ATP2B3: variants seen among roughly 807,000 people sequenced by gnomAD.
ATP2B3 encodes plasma membrane calcium-transporting ATPase 3.
A neutral mutation model predicts 70.8 loss-of-function variants in ATP2B3; 12 were observed. That is an observed-to-expected ratio of 0.17 (90% CI 0.11 to 0.27). ATP2B3 has a LOEUF of 0.27. Among genes scored for constraint, ATP2B3 ranks in the 10% least tolerant of loss-of-function variants. ATP2B3 has a pLI of 1.00. For synonymous variants in ATP2B3, 460 were observed against 497.8 expected (o/e 0.92, Z 1.01); for missense variants, 858 against 1,118.5 (o/e 0.77, Z 3.32).
At chrX:153,569,921 C>T in intron 21 of ATP2B3, 5 of 537,974 alleles carry the variant, frequency 9.3e-6, no homozygotes, top group Non-Finnish European at 1.5e-5. Flanking sequence ...CGGTGTCTCT[C>T]GAAAGCCATA....
chrX:153,547,681 G>A (rs1040389334), intron 8 of ATP2B3, among the ~76,000 whole-genome samples, 154 bp from the exon 9 acceptor site: 1 of 111,245 alleles, frequency 9.0e-6, no homozygotes, highest in Non-Finnish European at 1.9e-5. Flanking sequence ...TAGGAGGCGA[G>A]AGAAGGGAAG....
At chrX:153,520,303 A>G (rs1212204040) in intron 2 of ATP2B3, among the ~76,000 whole-genome samples, 2 of 112,629 alleles carry the variant, frequency 1.8e-5, no homozygotes, top group African/African-American at 6.5e-5. Context: ...GGCGCCCCAG[A>G]GCCCCAGGGG....
intron 21 of ATP2B3, chrX:153,575,064 A>G (rs782547882): frequency 4.0e-5 from 9 of 224,796 alleles, no homozygotes; most frequent in African/African-American, 2.6e-4. Flanking sequence ...GTTCAGAGGA[A>G]GGAGAAAGGC....
Position 153,564,903 on chromosome X carries a change from TC to T in ATP2B3, c.3160-16del, listed in dbSNP as rs1242390838. On this transcript the variant is annotated splice_polypyrimidine_tract_variant and intron_variant, in intron 20 of 21. Transcript: ENST00000263519. Reference sequence around the variant, plus strand: ...GCTCAGCCTGGCTCTCACGGCCACTTCCGTGTGGCTCCCCCAGGTCATTGCC... The same window carrying T: ...GCTCAGCCTGGCTCTCACGGCCACTTCGTGTGGCTCCCCCAGGTCATTGCC... 2 of 1,166,123 alleles carry T rather than the reference TC, an allele frequency of 1.7e-6. No homozygotes were observed. Among genetic ancestry groups the T allele is most frequent in the African/African-American group, 1.8e-5 (1 of 56,657 alleles).
In ATP2B3 at chrX:153,558,240, G is replaced by A. The variant is rs1557014754; in HGVS notation, c.2562G>A (p.Gln854=). The A allele has an allele frequency of 8.3e-7, 1 of 1,210,364 alleles. No homozygotes were observed. The highest frequency in any genetic ancestry group is 1.1e-6 in the Non-Finnish European group (1 of 895,246). ...ATGACAGCATCTCCAAGTTCCTGCA[G>A]TTTCAACTGACGGTCAATGTGGTGG... ...NVYDSISKFL[Q]FQLTVNVVAV... Residue 854 remains glutamine (Q), a synonymous_variant, in exon 17 of 22, where the codon CAG becomes CAA. Transcript: ENST00000263519.
chrX:153,560,062 C>T, intron 18 of ATP2B3, 120 bp downstream of exon 18: 1 of 739,095 alleles, frequency 1.4e-6, no homozygotes, highest in Non-Finnish European at 2.0e-6. Flanking sequence ...TGGGACGCTG[C>T]ACTTCCTGAC....
chrX:153,568,775 G>A (rs941990741), intron 21 of ATP2B3, among the ~76,000 whole-genome samples: 2 of 112,673 alleles, frequency 1.8e-5, no homozygotes, highest in East Asian at 2.8e-4. Flanking sequence ...GCCCTGGCCC[G>A]TTTCAAGACA....
chrX:153,547,154 C>T (rs2124436387), intron 8 of ATP2B3, among the ~76,000 whole-genome samples: 1 of 111,065 alleles, frequency 9.0e-6, no homozygotes, highest in African/African-American at 3.3e-5. Context: ...TTACTCTGGG[C>T]CGTGGAGTGG....
chrX:153,556,563 G>C lies in ATP2B3; in HGVS notation c.2326+145G>C. 3 of 635,379 alleles carry C rather than the reference G, an allele frequency of 4.7e-6. No individual in the cohort carries two copies. The South Asian group carries it at 8.7e-5, about 18-fold the overall frequency. The allele number at this position is 635,379 out of a possible 1,213,427, so 52.4% of individuals were successfully genotyped here. On this transcript the variant is annotated intron_variant, in intron 15 of 21. Coordinates refer to ENST00000263519, the MANE Select transcript of ATP2B3 (RefSeq NM_001001344.3). The stretch of plus-strand genomic sequence containing the variant: ...TGTCCCATTAGCCCAGAGCAGCAGG[G>C]CAGGGGCCCATGAGGGAACCAGGGT...
chrX:153,538,545 G>C (rs1267668697), intron 3 of ATP2B3, among the ~76,000 whole-genome samples: 1 of 113,075 alleles, frequency 8.8e-6, no homozygotes, highest in African/African-American at 3.2e-5. Flanking sequence ...GCCCCGCCCA[G>C]TGCCCCTCTG....
intron 7 of ATP2B3, among the ~76,000 whole-genome samples, chrX:153,543,650 A>C (rs1019398617): frequency 4.4e-5 from 5 of 112,860 alleles, no homozygotes; most frequent in Non-Finnish European, 7.5e-5. Context: ...AAGCTAGGCA[A>C]GCCCGAGCCA....
chrX:153,550,485 C>T (rs1258412212), intron 12 of ATP2B3, among the ~76,000 whole-genome samples, 199 bp downstream of exon 12: 2 of 111,680 alleles, frequency 1.8e-5, no homozygotes, highest in Admixed American at 1.9e-4. Context: ...GGAAAGAAAC[C>T]CCAGGCCCAT....
At position 153,549,575 on chromosome X, in the gene ATP2B3, G is replaced by A; in HGVS notation, c.1417G>A (p.Asp473Asn). 2 of 1,212,229 alleles carry A rather than the reference G, an allele frequency of 1.6e-6. No individual in the cohort carries two copies. The highest frequency in any genetic ancestry group is 2.2e-6 in the Non-Finnish European group (2 of 895,604). ...GGGCAACGCCACAGCCATCTGCTCC[G>A]ACAAGACGGGCACGCTCACCACCAA... The part of the protein sequence containing the change: ...TMGNATAICS[D>N]KTGTLTTNRM... Residue 473 changes from aspartate (D) to asparagine (N), a missense_variant, in exon 11 of 22, where the codon GAC becomes AAC. Physicochemically the swap from Asp to Asn is conservative, Grantham distance 23 (BLOSUM62 1). Coordinates refer to ENST00000263519, the MANE Select transcript of ATP2B3 (RefSeq NM_001001344.3).
intron 2 of ATP2B3, among the ~76,000 whole-genome samples, chrX:153,523,440 G>C: frequency 8.9e-6 from 1 of 112,221 alleles, no homozygotes; most frequent in South Asian, 3.7e-4. Flanking sequence ...CCTCTGTCCT[G>C]AGGAGAGGGC....
chrX:153,548,882 G>T, intron 10 of ATP2B3, 28 bp downstream of exon 10: 1 of 1,184,158 alleles, frequency 8.4e-7, no homozygotes, highest in Non-Finnish European at 1.1e-6. Context: ...AGTTGATACT[G>T]TTTACAGACT....
chrX:153,576,727 C>T (rs2090861817), intron 21 of ATP2B3, among the ~76,000 whole-genome samples: 1 of 111,562 alleles, frequency 9.0e-6, no homozygotes, highest in Non-Finnish European at 1.9e-5. Flanking sequence ...GAGAGCAGAG[C>T]AGGAGGCGGT....
chrX:153,557,722 T>C (rs2090560444), intron 16 of ATP2B3, among the ~76,000 whole-genome samples: 2 of 111,103 alleles, frequency 1.8e-5, no homozygotes, highest in African/African-American at 6.6e-5. Flanking sequence ...CCGCCCAGGG[T>C]GTCCCCATGC....
chrX:153,525,253 G>A (rs782402133), intron 2 of ATP2B3, among the ~76,000 whole-genome samples: 3 of 112,455 alleles, frequency 2.7e-5, no homozygotes, highest in Non-Finnish European at 3.8e-5. Flanking sequence ...CCTGCACTCC[G>A]GCGTTTCAAA....
At chrX:153,560,616 C>T in intron 18 of ATP2B3, 60 bp from the exon 19 acceptor site, 1 of 1,161,344 alleles carries the variant, frequency 8.6e-7, no homozygotes, top group East Asian at 3.0e-5. Flanking sequence ...AAGTCTCGCT[C>T]CTGAGTAATG....
Sources: gnomAD v4.1 joint callset for allele counts (sites outside exome capture counted in the v4.1 genomes callset) on GRCh38, gnomAD v4.1.1 for gene constraint, MANE v1.5 for transcripts, NCBI Gene and HGNC (gene_info 2026-07-23, HGNC 2026-07-21) for gene names.